The following MORC1 variants were observed in gnomAD, a reference collection of about 807,000 sequenced individuals.
MORC1 encodes the protein MORC family CW-type zinc finger protein 1.
A neutral mutation model predicts 134.9 loss-of-function variants in MORC1; 59 were observed. The observed-to-expected ratio is 0.44, with a 90% CI of 0.35 to 0.54. The LOEUF (loss-of-function observed/expected upper bound fraction) is 0.54. Ranked by LOEUF, MORC1 falls within the 20% of genes least tolerant of loss-of-function variation. The pLI is 0.00. For synonymous variants in MORC1, 395 were observed against 391.7 expected (o/e 1.01, Z -0.10); for missense variants, 947 against 1,134.5 (o/e 0.83, Z 2.37).
At chr3:109,051,006 T>C (rs903203934) in intron 14 of MORC1, among the ~76,000 whole-genome samples, 5 of 152,190 alleles carry the variant, frequency 3.3e-5, no homozygotes, top group African/African-American at 1.2e-4. Context: ...TTTCATTTGT[T>C]TCTCCCCACT....
At chr3:108,960,463 T>C (rs912441176) in intron 27 of MORC1, among the ~76,000 whole-genome samples, 1 of 152,180 alleles carries the variant, frequency 6.6e-6, no homozygotes, top group African/African-American at 2.4e-5. Flanking sequence ...GACAAAGCAA[T>C]GGCTACCTAG....
chr3:109,092,441 T>C (rs758366945), intron 8 of MORC1, among the ~76,000 whole-genome samples: 1 of 152,198 alleles, frequency 6.6e-6, no homozygotes, highest in African/African-American at 2.4e-5. Context: ...ACATGTCTAC[T>C]TGGGTCTTAA....
intron 9 of MORC1, among the ~76,000 whole-genome samples, chr3:109,067,669 G>C (rs1950228051): frequency 6.6e-6 from 1 of 152,142 alleles, no homozygotes; most frequent in Non-Finnish European, 1.5e-5. Flanking sequence ...GAATGAGACT[G>C]ATGAAAAGGA....
At chr3:108,991,082 T>C (rs1356668333) in intron 21 of MORC1, among the ~76,000 whole-genome samples, 2 of 152,184 alleles carry the variant, frequency 1.3e-5, no homozygotes, top group African/African-American at 4.8e-5. Context: ...GTGGGGTCTG[T>C]AGCCTCAAAA....
chr3:108,963,534 A>G lies in MORC1; in HGVS notation c.2679T>C (p.Asn893=). Residue 893 remains asparagine (N), a synonymous_variant, in exon 27 of 28, where the codon AAT becomes AAC. Transcript: ENST00000232603. ...RKLQSIIYDS[N]TRGIHNEISL... ...AGATTTCATTATGTATTCCTCTTGT[A>G]TTTGAATCATAGATAATGGACTGCA... is the stretch of plus-strand genomic sequence containing the variant. 6.2e-7 allele frequency: 1 copy of G among 1,606,288 alleles called. No homozygotes were observed. Among genetic ancestry groups the G allele is most frequent in the South Asian group, 1.1e-5 (1 of 90,270 alleles).
intron 24 of MORC1, among the ~76,000 whole-genome samples, chr3:108,977,039 C>T (rs1443699575): frequency 6.6e-6 from 1 of 152,152 alleles, no homozygotes; most frequent in Non-Finnish European, 1.5e-5. Context: ...ATTTAAGTAG[C>T]TATGCATCCA....
chr3:108,997,944 T>C (rs1171008657), intron 21 of MORC1, among the ~76,000 whole-genome samples: 3 of 152,322 alleles, frequency 2.0e-5, no homozygotes, highest in Non-Finnish European at 2.9e-5. Flanking sequence ...CCAGTCAGAA[T>C]GGAGTTATTG....
At chr3:109,085,469 CAAAA>C (rs964221969) in intron 8 of MORC1, among the ~76,000 whole-genome samples, 1 of 152,036 alleles carries the variant, frequency 6.6e-6, no homozygotes, top group Admixed American at 6.6e-5. Context: ...AGACATTTCT[CAAAA>C]GACAACATAC....
chr3:108,973,851 C>T (rs2107409761), intron 24 of MORC1, among the ~76,000 whole-genome samples: 1 of 152,152 alleles, frequency 6.6e-6, no homozygotes, highest in East Asian at 1.9e-4. Context: ...CCACCTTGGC[C>T]TCCCAAAGTT....
intron 8 of MORC1, among the ~76,000 whole-genome samples, chr3:109,078,290 G>A (rs567893729): frequency 6.6e-6 from 1 of 152,086 alleles, no homozygotes; most frequent in East Asian, 1.9e-4. Flanking sequence ...TAAGACATAA[G>A]CCCATAAGAA....
At chr3:108,984,179 G>A (rs1290856661) in intron 23 of MORC1, among the ~76,000 whole-genome samples, 2 of 152,226 alleles carry the variant, frequency 1.3e-5, no homozygotes, top group African/African-American at 2.4e-5. Flanking sequence ...GGGTCTGAAT[G>A]CCTGGAAAGC....
chr3:109,063,221 A>G lies in MORC1; in HGVS notation c.826T>C (p.Tyr276His), dbSNP rs1950121863. 1.3e-6 allele frequency: 2 copies of G among 1,580,932 alleles called. No individual in the cohort carries two copies. The highest frequency in any genetic ancestry group is 1.7e-6 in the Non-Finnish European group (2 of 1,152,714). The change falls in exon 10 of 28, where the codon TAT becomes CAT. Residue 276 changes from tyrosine to histidine, a missense_variant. Physicochemically the swap from Tyr to His is moderately conservative, Grantham distance 83. Transcript: ENST00000232603. ...GCTCCTTTAAAAGAAGATGTGACATAAAGATACTTTCTGGAAAGAAACAAA... is the reference window on the plus strand; with the variant it reads ...GCTCCTTTAAAAGAAGATGTGACATGAAGATACTTTCTGGAAAGAAACAAA... Reference protein sequence around the residue: ...YCLYRPRKYLYVTSSFKGAFK... With the variant: ...YCLYRPRKYLHVTSSFKGAFK...
intron 3 of MORC1, among the ~76,000 whole-genome samples, chr3:109,104,495 T>C (rs1950985962): frequency 6.6e-6 from 1 of 152,176 alleles, no homozygotes; most frequent in Non-Finnish European, 1.5e-5. Context: ...TTTGAAGATA[T>C]CATTAAATTA....
At position 108,986,872 on chromosome 3, in the gene MORC1, T is replaced by TG. The variant is rs1947908318; in HGVS notation, c.2257+7_2257+8insC. The TG allele has an allele frequency of 6.5e-7, 1 of 1,544,170 alleles. No homozygotes were observed. The highest frequency in any genetic ancestry group is 1.2e-5 in the South Asian group (1 of 80,324). On this transcript the variant is annotated splice_region_variant and intron_variant, in intron 22 of 27. Transcript: ENST00000232603. ...TATATATATATACATGAGCTGATTTTTTTTTACCTTGGTTTAAAAGAGGAA... is the reference window on the plus strand; with the variant it reads ...TATATATATATACATGAGCTGATTTTGTTTTTACCTTGGTTTAAAAGAGGAA...
chr3:109,081,971 A>C (rs1046486032), intron 8 of MORC1, among the ~76,000 whole-genome samples: 2 of 152,096 alleles, frequency 1.3e-5, no homozygotes, highest in Non-Finnish European at 2.9e-5. Flanking sequence ...AACGTCCTTG[A>C]GGACAGTAGG....
rs1276686408 is a variant in MORC1, at chr3:108,966,028, T to C, written c.2605-2420A>G. On this transcript the variant is annotated intron_variant, in intron 26 of 27. Transcript: ENST00000232603. The stretch of plus-strand genomic sequence containing the variant: ...TGCTAACCTCTCCAGGAAGTTTCTA[T>C]GAAAGGTAACACTTTTGACAACTTT... Among the ~76,000 whole-genome samples the C allele has an allele frequency of 5.3e-5, 8 of 152,228 alleles. No homozygotes were observed. In the East Asian group the frequency reaches 1.5e-3, roughly 29 times the overall value.
At chr3:109,085,470 A>G (rs60222878) in intron 8 of MORC1, among the ~76,000 whole-genome samples, 51,381 of 152,068 alleles carry the variant, frequency 0.34, 10,493 homozygotes, top group East Asian at 0.81. Context: ...GACATTTCTC[A>G]AAAGACAACA....
At chr3:108,973,456 G>A (rs1947448910) in intron 24 of MORC1, among the ~76,000 whole-genome samples, 1 of 152,028 alleles carries the variant, frequency 6.6e-6, no homozygotes, top group Non-Finnish European at 1.5e-5. Context: ...GGCATGTGAA[G>A]GAAGTATTCC....
At chr3:109,032,646 A>G (rs970707161) in intron 16 of MORC1, 74 bp downstream of exon 16, 11 of 1,040,712 alleles carry the variant, frequency 1.1e-5, no homozygotes, top group East Asian at 5.3e-5. Flanking sequence ...ATAGATTGAC[A>G]TTTTCAAGGT....
Sources: gnomAD v4.1 joint callset for allele counts (sites outside exome capture counted in the v4.1 genomes callset) on GRCh38, gnomAD v4.1.1 for gene constraint, MANE v1.5 for transcripts, NCBI Gene and HGNC (gene_info 2026-07-23, HGNC 2026-07-21) for gene names.